DOCK1: variants seen among roughly 807,000 people sequenced by gnomAD.
DOCK1 encodes the protein dedicator of cytokinesis protein 1.
A neutral mutation model predicts 262.7 loss-of-function variants in DOCK1; 138 were observed. That is an observed-to-expected ratio of 0.53 (90% CI 0.46 to 0.61). The LOEUF is 0.61. Ranked by LOEUF, DOCK1 falls within the 20% of genes least tolerant of loss-of-function variation. The pLI is 0.00. For missense variants in DOCK1, 1,908 were observed against 2,370.7 expected (o/e 0.80, Z 4.05); for synonymous variants, 866 against 867.4 (o/e 1.00, Z 0.03).
At chr10:127,360,557 T>G (rs1397339018) in intron 32 of DOCK1, among the ~76,000 whole-genome samples, 1 of 152,210 alleles carries the variant, frequency 6.6e-6, no homozygotes, top group Non-Finnish European at 1.5e-5. Context: ...GAGAAGCCAG[T>G]CTCTACCTTC....
intron 27 of DOCK1, among the ~76,000 whole-genome samples, chr10:127,146,291 A>G (rs1007257351): frequency 1.3e-5 from 2 of 152,220 alleles, no homozygotes; most frequent in African/African-American, 2.4e-5. Context: ...ATATGTTGAG[A>G]TGGGTAATCA....
At chr10:127,359,359 CTACAACCACT>C (rs1344354104) in intron 32 of DOCK1, among the ~76,000 whole-genome samples, 3 of 152,196 alleles carry the variant, frequency 2.0e-5, no homozygotes, top group African/African-American at 7.2e-5. Context: ...ATCCCTGCTT[CTACAACCACT>C]TGTGACTGCT....
chr10:127,428,659 G>A (rs1416583446), intron 47 of DOCK1, among the ~76,000 whole-genome samples: 12 of 149,512 alleles, frequency 8.0e-5, no homozygotes, highest in African/African-American at 2.2e-4. Context: ...GTGTGGATTG[G>A]GGTGCCGTGT....
chr10:126,912,322 G>A (rs1413936131), intron 1 of DOCK1, among the ~76,000 whole-genome samples: 1 of 149,714 alleles, frequency 6.7e-6, no homozygotes, highest in Non-Finnish European at 1.5e-5. Flanking sequence ...CCCAGCTACT[G>A]GGGAGGCTGA....
At chr10:127,422,442 G>A (rs1409681492) in intron 46 of DOCK1, among the ~76,000 whole-genome samples, 1 of 152,056 alleles carries the variant, frequency 6.6e-6, no homozygotes, top group African/African-American at 2.4e-5. Flanking sequence ...TGGGATTACA[G>A]GTGTGAGCCA....
At chr10:127,034,425 C>G (rs2043450770) in intron 18 of DOCK1, among the ~76,000 whole-genome samples, 1 of 152,184 alleles carries the variant, frequency 6.6e-6, no homozygotes. Flanking sequence ...TCAATTACCT[C>G]CCACCAGGTC....
At chr10:127,420,495 A>T (rs1565078264) in intron 46 of DOCK1, among the ~76,000 whole-genome samples, 1 of 152,062 alleles carries the variant, frequency 6.6e-6, no homozygotes, top group South Asian at 2.1e-4. Context: ...GGAGGCAAGG[A>T]GGGTGCTGTC....
At chr10:127,338,145 G>A (rs4751240) in intron 29 of DOCK1, among the ~76,000 whole-genome samples, 13,422 of 152,212 alleles carry the variant, frequency 0.088, 689 homozygotes, top group African/African-American at 0.13. Context: ...AGTGGAATTA[G>A]GTTTATCATC....
At chr10:126,915,432 G>GC (rs970643869) in intron 1 of DOCK1, among the ~76,000 whole-genome samples, 19 of 83,436 alleles carry the variant, frequency 2.3e-4, no homozygotes, top group South Asian at 1.1e-3. Context: ...TTTGGGGGCG[G>GC]GGGGGGGATG....
intron 35 of DOCK1, among the ~76,000 whole-genome samples, chr10:127,378,306 G>C (rs1466590705): frequency 6.6e-6 from 1 of 152,166 alleles, no homozygotes; most frequent in Non-Finnish European, 1.5e-5. Context: ...CGTTCTAAAA[G>C]ATCAATGCCT....
At chr10:127,059,900 A>G (rs2045419383) in intron 22 of DOCK1, among the ~76,000 whole-genome samples, 1 of 152,200 alleles carries the variant, frequency 6.6e-6, no homozygotes, top group South Asian at 2.1e-4. Flanking sequence ...GAAGCTTCAG[A>G]TGATGTGATC....
In DOCK1 at chr10:127,447,415, C is replaced by T. The variant is rs765740645; in HGVS notation, c.5435C>T (p.Thr1812Met). The change falls in exon 51 of 52, where the codon ACG becomes ATG. Residue 1812 changes from threonine (T) to methionine (M), a missense_variant. Thr to Met is a moderately conservative substitution (Grantham distance 81). Coordinates refer to ENST00000623213, the MANE Select transcript of DOCK1 (RefSeq NM_001290223.2). ...CCAGGCTTGGAGCTGAACGGCATGA[C>T]GGGGGCGGACGTGGCCGATGTCCCA... The part of the protein sequence containing the change: ...MQSSLELNGM[T>M]GADVADVPPP... 29 of 1,612,610 alleles carry T rather than the reference C, an allele frequency of 1.8e-5. No homozygotes were observed. The highest frequency in any genetic ancestry group is 1.1e-4 in the South Asian group (10 of 90,736).
intron 27 of DOCK1, among the ~76,000 whole-genome samples, chr10:127,134,812 C>T (rs1311383818): frequency 9.2e-5 from 14 of 152,158 alleles, no homozygotes; most frequent in Non-Finnish European, 1.8e-4. Flanking sequence ...TGCACATGGA[C>T]TCTGTGGTTG....
At chr10:126,965,610 T>C (rs1221897293) in intron 1 of DOCK1, among the ~76,000 whole-genome samples, 1 of 152,122 alleles carries the variant, frequency 6.6e-6, no homozygotes, top group Non-Finnish European at 1.5e-5. Flanking sequence ...CTTGAGCCAG[T>C]CACAACGCCC....
At position 127,425,935 on chromosome 10, in the gene DOCK1, C is replaced by A; in HGVS notation, c.4838C>A (p.Pro1613Gln). 6.2e-7 allele frequency: 1 copy of A among 1,613,950 alleles called. No homozygotes were observed. Among genetic ancestry groups the A allele is most frequent in the Non-Finnish European group, 8.5e-7 (1 of 1,179,898 alleles). The change falls in exon 47 of 52, where the codon CCG becomes CAG. Residue 1613 changes from proline to glutamine, a missense_variant. Pro to Gln is a moderately conservative substitution (Grantham distance 76). Around this residue, in one of 9 missense-constraint regions of DOCK1, gnomAD observed 383 missense variants for 420.1 expected, o/e 0.91. Coordinates refer to ENST00000623213, the MANE Select transcript of DOCK1 (RefSeq NM_001290223.2). Reference protein sequence around the residue: ...HGDKVTEALRPFHERMEACFK... With the variant: ...HGDKVTEALRQFHERMEACFK... The stretch of plus-strand genomic sequence containing the variant: ...GACAAAGTCACGGAGGCACTGAGGC[C>A]GTTCCACGAGAGGATGGAGGCCTGT...
chr10:126,941,576 G>A (rs1286918208), intron 1 of DOCK1, among the ~76,000 whole-genome samples: 2 of 152,136 alleles, frequency 1.3e-5, no homozygotes, highest in African/African-American at 4.8e-5. Context: ...CTAACACGGT[G>A]AAACCCTGTC....
At chr10:127,300,803 C>G (rs929900924) in intron 29 of DOCK1, among the ~76,000 whole-genome samples, 3 of 151,482 alleles carry the variant, frequency 2.0e-5, no homozygotes, top group Admixed American at 1.3e-4. Context: ...ACCTGACTTT[C>G]TTTGCTTTGC....
At chr10:126,978,349 C>T (rs762147115) in intron 3 of DOCK1, among the ~76,000 whole-genome samples, 1 of 152,146 alleles carries the variant, frequency 6.6e-6, no homozygotes, top group Non-Finnish European at 1.5e-5. Flanking sequence ...TTATGTTGTC[C>T]TTAATAATAG....
At chr10:126,930,814 G>A (rs1225303720) in intron 1 of DOCK1, among the ~76,000 whole-genome samples, 66 of 152,302 alleles carry the variant, frequency 4.3e-4, no homozygotes, top group Non-Finnish European at 1.5e-4. Flanking sequence ...AGGACTCGGG[G>A]CCCAGTCCCT....
Sources: gnomAD v4.1 joint callset for allele counts (sites outside exome capture counted in the v4.1 genomes callset) on GRCh38, gnomAD v4.1.1 for gene constraint, gnomAD v4.1.1 regional missense constraint, MANE v1.5 for transcripts, NCBI Gene and HGNC (gene_info 2026-07-23, HGNC 2026-07-21) for gene names.